The following ASPRV1 variants were observed in gnomAD, a reference collection of about 807,000 sequenced individuals.
ASPRV1 encodes the protein retroviral-like aspartic protease 1.
ASPRV1 carries 7 observed loss-of-function variants against 11.0 expected under a neutral mutation model. The ratio of observed to expected loss-of-function variants is 0.64; its 90% CI spans 0.36 to 1.20. ASPRV1 has a LOEUF of 1.20. Ranked by LOEUF, ASPRV1 falls within the 50% of genes most tolerant of loss-of-function variation. The pLI is 0.02. For synonymous variants in ASPRV1, 136 were observed against 138.4 expected (o/e 0.98, Z 0.12); for missense variants, 299 against 320.0 (o/e 0.93, Z 0.50).
the ASPRV1 span, among the ~76,000 whole-genome samples, chr2:70,066,770 T>G: frequency 4.6e-5 from 7 of 151,788 alleles, no homozygotes; most frequent in African/African-American, 1.2e-4. Flanking sequence ...TTGGCTAATT[T>G]GTTATTTTTT....
chr2:70,026,217 G>A, the ASPRV1 span, among the ~76,000 whole-genome samples: 1 of 152,174 alleles, frequency 6.6e-6, no homozygotes. Context: ...TACTTGGGAG[G>A]CTGAGGCAGG....
In ASPRV1 at chr2:69,961,104, G is replaced by C. The variant is rs1241680480; in HGVS notation, c.333C>G (p.Gly111=). ...TGCCAATCTTCCCCTTGAGATAGTAGCCCTTACCCATGCTGTTGGCAAAGA... is the reference window on the plus strand; with the variant it reads ...TGCCAATCTTCCCCTTGAGATAGTACCCCTTACCCATGCTGTTGGCAAAGA... ...EIVFANSMGK[G]YYLKGKIGKV... is the part of the protein sequence containing the mutation. Residue 111 remains glycine (G), a synonymous_variant, in exon 1 of 1, where the codon GGC becomes GGG. Coordinates refer to ENST00000320256, the MANE Select transcript of ASPRV1 (RefSeq NM_152792.4). 12 of 1,613,930 alleles carry C rather than the reference G, an allele frequency of 7.4e-6. No individual in the cohort carries two copies. Among genetic ancestry groups the C allele is most frequent in the South Asian group, 1.1e-5 (1 of 91,054 alleles).
At chr2:70,045,127 C>G in the ASPRV1 span, 1 of 152,124 alleles carries the variant, frequency 6.6e-6, no homozygotes, top group African/African-American at 2.4e-5. Context: ...AGCAAAATCG[C>G]AAGGTGGGTA....
chr2:69,940,165 T>TA, the ASPRV1 span: 1 of 149,966 alleles, frequency 6.7e-6, no homozygotes, highest in Non-Finnish European at 1.5e-5. Flanking sequence ...TTTTTTTTTT[T>TA]AATTTTTGGA....
the ASPRV1 span, among the ~76,000 whole-genome samples, chr2:69,949,064 T>C: frequency 6.6e-6 from 1 of 152,168 alleles, no homozygotes; most frequent in Non-Finnish European, 1.5e-5. Flanking sequence ...CCCTGGTCAC[T>C]TTCTATCCGC....
chr2:70,062,174 G>A, the ASPRV1 span, among the ~76,000 whole-genome samples: 138 of 151,688 alleles, frequency 9.1e-4, no homozygotes, highest in African/African-American at 3.1e-3. Flanking sequence ...GCATAGTGGC[G>A]GGTGCCTGTA....
the ASPRV1 span, among the ~76,000 whole-genome samples, chr2:70,013,078 G>A: frequency 2.6e-5 from 4 of 152,178 alleles, no homozygotes; most frequent in South Asian, 2.1e-4. Flanking sequence ...TGGTAACACT[G>A]ACAAATATGT....
chr2:69,933,657 T>G, the ASPRV1 span, among the ~76,000 whole-genome samples: 4 of 152,342 alleles, frequency 2.6e-5, no homozygotes, highest in South Asian at 4.1e-4. Context: ...GAAGGAAGTC[T>G]AATGCCTTGC....
At chr2:69,967,352 A>G in the ASPRV1 span, among the ~76,000 whole-genome samples, 1 of 152,252 alleles carries the variant, frequency 6.6e-6, no homozygotes, top group African/African-American at 2.4e-5. Context: ...ACCAGGTATC[A>G]GCCAGTATCA....
chr2:70,077,991 A>G, the ASPRV1 span, among the ~76,000 whole-genome samples: 1 of 151,662 alleles, frequency 6.6e-6, no homozygotes, highest in African/African-American at 2.4e-5. Context: ...ACATGATGAA[A>G]CCTCGTCTCT....
the ASPRV1 span, chr2:70,075,014 T>A: frequency 6.6e-6 from 1 of 150,874 alleles, no homozygotes; most frequent in East Asian, 2.1e-4. Context: ...CATGGGAGGC[T>A]GAGGCAGGAG....
the ASPRV1 span, chr2:70,014,761 T>C: frequency 1.5e-5 from 2 of 137,710 alleles, no homozygotes; most frequent in East Asian, 2.1e-4. Flanking sequence ...ATTCACGCCA[T>C]TGTACTCCAG....
the ASPRV1 span, chr2:70,014,557 T>C: frequency 6.6e-6 from 1 of 151,830 alleles, no homozygotes; most frequent in Non-Finnish European, 1.5e-5. Flanking sequence ...TCCTAACACT[T>C]TGGGAGGCTG....
the ASPRV1 span, among the ~76,000 whole-genome samples, chr2:70,058,881 A>AC: frequency 8.1e-5 from 10 of 124,164 alleles, no homozygotes; most frequent in East Asian, 2.5e-4. Flanking sequence ...TTATTACCCA[A>AC]CTTTTTTTTT....
the ASPRV1 span, among the ~76,000 whole-genome samples, chr2:69,967,811 T>C: frequency 6.6e-6 from 1 of 152,258 alleles, no homozygotes; most frequent in Non-Finnish European, 1.5e-5. Context: ...CCAGGCATGG[T>C]GGCTCATGCC....
chr2:70,023,641 T>G, the ASPRV1 span, among the ~76,000 whole-genome samples: 2 of 145,828 alleles, frequency 1.4e-5, no homozygotes, highest in South Asian at 2.1e-4. Context: ...AGCACTGTAC[T>G]CCAGCCTGGG....
At chr2:69,951,685 C>T in the ASPRV1 span, among the ~76,000 whole-genome samples, 1 of 151,508 alleles carries the variant, frequency 6.6e-6, no homozygotes, top group Non-Finnish European at 1.5e-5. Context: ...AAAAAAAATA[C>T]TAAAGGAATT....
the ASPRV1 span, among the ~76,000 whole-genome samples, chr2:70,000,336 C>CACACA: frequency 2.4e-3 from 305 of 126,300 alleles, 1 homozygote; most frequent in African/African-American, 9.1e-3. Context: ...AAAAAAAAAA[C>CACACA]CACACACACA....
At chr2:69,991,478 C>T in the ASPRV1 span, among the ~76,000 whole-genome samples, 7 of 152,046 alleles carry the variant, frequency 4.6e-5, no homozygotes, top group African/African-American at 1.7e-4. Context: ...ACTTTGTTAC[C>T]CCAAAGTCAT....
Sources: gnomAD v4.1 joint callset for allele counts (sites outside exome capture counted in the v4.1 genomes callset) on GRCh38, gnomAD v4.1.1 for gene constraint, MANE v1.5 for transcripts, NCBI Gene and HGNC (gene_info 2026-07-23, HGNC 2026-07-21) for gene names.